METTL15: variants seen among roughly 807,000 people sequenced by gnomAD.
The protein encoded by METTL15 is methyltransferase 15, mitochondrial 12S rRNA N4-cytidine.
Under a neutral mutation model 38.3 loss-of-function variants are expected in METTL15, and 34 were observed. The ratio of observed to expected loss-of-function variants is 0.89; its 90% confidence interval spans 0.68 to 1.18. The LOEUF (loss-of-function observed/expected upper bound fraction) is 1.18. METTL15 is among the 50% of genes most tolerant of loss of function. The pLI, the probability that METTL15 is intolerant of heterozygous loss-of-function variation, is 0.00. For missense variants in METTL15, 438 were observed against 498.4 expected, an observed-to-expected ratio of 0.88 and a Z score of 1.15; for synonymous variants, 162 against 170.9, an observed-to-expected ratio of 0.95 and a Z score of 0.41.
At chr11:28,373,575 C>T (rs1319612429) in intron 5 of METTL15, among the ~76,000 whole-genome samples, 1 of 152,118 alleles carries the variant, frequency 6.6e-6, no homozygotes, top group Non-Finnish European at 1.5e-5. Context: ...GTTGCCTGTT[C>T]ACTCTGATGG....
Position 28,332,880 on chromosome 11 carries a change from G to C in METTL15, c.*2039G>C, listed in dbSNP as rs976812076. 2.0e-5 allele frequency: 3 copies of C among 148,392 alleles called. No homozygotes were observed. The highest frequency in any genetic ancestry group is 7.7e-5 in the African/African-American group (3 of 39,138). The allele number at this position is 148,392 out of a possible 1,614,324, so 9.2% of individuals were successfully genotyped here. ...GAATCACTCGAACCTGGGAGGTGGA[G>C]GTTGCGAGATCACACCACTGCACTC... On this transcript the variant is annotated 3_prime_UTR_variant, in exon 7 of 7. Coordinates refer to ENST00000407364, the MANE Select transcript of METTL15 (RefSeq NM_001113528.2).
intron 6 of METTL15, among the ~76,000 whole-genome samples, chr11:28,484,076 A>G (rs1435167836): frequency 6.6e-6 from 1 of 152,156 alleles, no homozygotes; most frequent in Non-Finnish European, 1.5e-5. Context: ...CATATAGAAC[A>G]AAGCAAAAAT....
At chr11:28,205,168 C>T (rs965471480) in intron 3 of METTL15, among the ~76,000 whole-genome samples, 1 of 151,744 alleles carries the variant, frequency 6.6e-6, no homozygotes, top group African/African-American at 2.4e-5. Context: ...AGGTTAGTTA[C>T]ATATGTATAC....
intron 3 of METTL15, chr11:28,122,141 G>A (rs189752587): frequency 1.6e-6 from 2 of 1,221,614 alleles, no homozygotes; most frequent in Non-Finnish European, 2.1e-6. Flanking sequence ...TCCTCTTACA[G>A]AGTCTTGGTG....
chr11:28,188,313 G>A (rs921003242), intron 3 of METTL15, among the ~76,000 whole-genome samples: 1 of 150,972 alleles, frequency 6.6e-6, no homozygotes, highest in African/African-American at 2.4e-5. Context: ...TTAAACCAAG[G>A]CATATATAGT....
intron 5 of METTL15, among the ~76,000 whole-genome samples, chr11:28,371,576 A>G (rs1289262834): frequency 6.6e-6 from 1 of 152,010 alleles, no homozygotes; most frequent in East Asian, 1.9e-4. Flanking sequence ...TGACATTGAT[A>G]TTTTGAAAGA....
chr11:28,379,237 A>T (rs1313410612), intron 5 of METTL15, among the ~76,000 whole-genome samples: 1 of 150,822 alleles, frequency 6.6e-6, no homozygotes, highest in Admixed American at 6.6e-5. Context: ...TTTATTATTT[A>T]TTTTCTTCCA....
chr11:28,509,176 C>T (rs1312323086), intron 6 of METTL15, among the ~76,000 whole-genome samples: 1 of 152,146 alleles, frequency 6.6e-6, no homozygotes, highest in African/African-American at 2.4e-5. Context: ...CTTGTTAGTA[C>T]CATAACTTTG....
At chr11:28,255,510 TC>T (rs1339819863) in intron 4 of METTL15, among the ~76,000 whole-genome samples, 4 of 152,204 alleles carry the variant, frequency 2.6e-5, no homozygotes, top group African/African-American at 9.7e-5. Context: ...AAAGTAGTCA[TC>T]CTTGTTGTGT....
rs1280603316 is a variant in METTL15 at position 28,290,232 on chromosome 11, A to T, written c.434A>T (p.Gln145Leu). 1.9e-6 allele frequency: 3 copies of T among 1,612,504 alleles called. No homozygotes were observed. The East Asian group carries it at 6.7e-5, about 36-fold the overall frequency. Residue 145 changes from glutamine to leucine, a missense_variant, in exon 5 of 7, where the codon CAG becomes CTG. Coordinates refer to ENST00000407364, the MANE Select transcript of METTL15 (RefSeq NM_001113528.2). The stretch of plus-strand genomic sequence containing the variant: ...AAACAAATCCGAGCTATGCTGGGCC[A>T]GTTCAGCCAGGCAGAAGCCTTATTA... ...YPKQIRAMLGQFSQAEALLMK... is the reference protein window; with the variant it reads ...YPKQIRAMLGLFSQAEALLMK...
intron 3 of METTL15, among the ~76,000 whole-genome samples, chr11:28,188,179 G>C (rs1851570227): frequency 6.6e-6 from 1 of 151,088 alleles, no homozygotes; most frequent in Non-Finnish European, 1.5e-5. Context: ...GACATTTTGG[G>C]ACATATCATA....
At chr11:28,515,069 A>G (rs922847228) in intron 6 of METTL15, among the ~76,000 whole-genome samples, 16 of 152,254 alleles carry the variant, frequency 1.1e-4, no homozygotes, top group African/African-American at 1.4e-4. Context: ...GGAATAAAAT[A>G]TATCACGTTT....
At chr11:28,429,563 TGGCCG>T (rs1178087969) in intron 6 of METTL15, among the ~76,000 whole-genome samples, 4 of 95,550 alleles carry the variant, frequency 4.2e-5, no homozygotes, top group African/African-American at 1.7e-4. Context: ...TTCGCTGTGT[TGGCCG>T]GGCCGGTCTC....
intron 3 of METTL15, among the ~76,000 whole-genome samples, chr11:28,171,591 G>A (rs920137679): frequency 1.3e-5 from 2 of 151,992 alleles, no homozygotes; most frequent in Non-Finnish European, 2.9e-5. Flanking sequence ...GTGACATTTC[G>A]TTTTAACACA....
At chr11:28,396,080 A>T (rs1382677729) in intron 5 of METTL15, among the ~76,000 whole-genome samples, 1 of 152,178 alleles carries the variant, frequency 6.6e-6, no homozygotes, top group African/African-American at 2.4e-5. Flanking sequence ...TAAATTAGGT[A>T]TTGATGGGAC....
At chr11:28,411,257 A>G (rs1484998490) in intron 5 of METTL15, among the ~76,000 whole-genome samples, 5 of 152,076 alleles carry the variant, frequency 3.3e-5, no homozygotes, top group Admixed American at 1.3e-4. Context: ...TAAAATTCAT[A>G]TGGGACTACA....
chr11:28,184,274 A>G (rs1049477433), intron 3 of METTL15, among the ~76,000 whole-genome samples: 2 of 151,394 alleles, frequency 1.3e-5, no homozygotes, highest in Non-Finnish European at 2.9e-5. Context: ...TTCTGCTCTG[A>G]TCTTAGTTAT....
intron 5 of METTL15, among the ~76,000 whole-genome samples, chr11:28,396,419 C>T (rs1850569271): frequency 6.6e-6 from 1 of 152,110 alleles, no homozygotes; most frequent in Non-Finnish European, 1.5e-5. Context: ...AATCAATGTG[C>T]AAAAATCACA....
At chr11:28,440,719 A>G (rs183075392) in intron 6 of METTL15, among the ~76,000 whole-genome samples, 1 of 152,372 alleles carries the variant, frequency 6.6e-6, no homozygotes, top group Non-Finnish European at 1.5e-5. Flanking sequence ...ACGTGCACAC[A>G]TAAATGCAAA....
Sources: gnomAD v4.1 joint callset for allele counts (sites outside exome capture counted in the v4.1 genomes callset) on GRCh38, gnomAD v4.1.1 for gene constraint, MANE v1.5 for transcripts, NCBI Gene and HGNC (gene_info 2026-07-23, HGNC 2026-07-21) for gene names.